Variants in MINDY2 observed in about 807,000 individuals in gnomAD.
MINDY2 encodes the protein MINDY lysine 48 deubiquitinase 2.
MINDY2 carries 52 observed loss-of-function variants against 68.2 expected under a neutral mutation model. The ratio of observed to expected loss-of-function variants is 0.76; its 90% CI spans 0.61 to 0.96. The LOEUF is 0.96. Among genes scored for constraint, MINDY2 ranks in the 40% least tolerant of loss-of-function variants. MINDY2 has a pLI of 0.00. For missense variants in MINDY2, 881 were observed against 773.4 expected (o/e 1.14, Z -1.65); for synonymous variants, 372 against 303.0 (o/e 1.23, Z -2.36).
At chr15:58,831,015 TTGTGTGTGTGTG>T (rs369645565) in intron 5 of MINDY2, among the ~76,000 whole-genome samples, 2 of 133,754 alleles carry the variant, frequency 1.5e-5, no homozygotes, top group Non-Finnish European at 3.1e-5. Flanking sequence ...TGAAGATCAG[TTGTGTGTGTGTG>T]TGTGTGTGTG....
intron 1 of MINDY2, among the ~76,000 whole-genome samples, chr15:58,784,674 C>T (rs1451873990): frequency 7.2e-6 from 1 of 139,052 alleles, no homozygotes; most frequent in Non-Finnish European, 1.5e-5. Context: ...GGCTGGAGTG[C>T]AGTGGCATGA....
At chr15:58,793,348 A>T (rs1193174614) in intron 2 of MINDY2, among the ~76,000 whole-genome samples, 1 of 152,046 alleles carries the variant, frequency 6.6e-6, no homozygotes, top group Non-Finnish European at 1.5e-5. Context: ...GCTACTTGGG[A>T]AACTGAGGAG....
chr15:58,846,134 C>A (rs530447928), intron 6 of MINDY2, among the ~76,000 whole-genome samples: 1 of 150,788 alleles, frequency 6.6e-6, no homozygotes, highest in African/African-American at 2.4e-5. Context: ...TGAGACCTAG[C>A]ATTTGCTAAC....
chr15:58,849,250 C>T (rs1201447883), intron 7 of MINDY2, among the ~76,000 whole-genome samples: 1 of 150,936 alleles, frequency 6.6e-6, no homozygotes, highest in Non-Finnish European at 1.5e-5. Context: ...CACCTATAGT[C>T]GCAGCACTTT....
At chr15:58,800,850 A>G (rs1172427614) in intron 2 of MINDY2, among the ~76,000 whole-genome samples, 1 of 151,912 alleles carries the variant, frequency 6.6e-6, no homozygotes, top group Non-Finnish European at 1.5e-5. Flanking sequence ...AAAAAAAAAA[A>G]AAAGTCTTCT....
chr15:58,793,478 A>T lies in MINDY2; in HGVS notation c.898+5515A>T, dbSNP rs969416686. Among the ~76,000 whole-genome samples the T allele has an allele frequency of 7.2e-5, 11 of 152,244 alleles. 1 individual carries two copies. The highest frequency in any genetic ancestry group is 6.5e-4 in the Admixed American group (10 of 15,282). ...AATAAGTAAATAAATAAATAAATTT[A>T]AAAAATAAAATTAGATTATGATGAT... On this transcript the variant is annotated intron_variant, in intron 2 of 8. Transcript: ENST00000559228.
At chr15:58,824,428 T>TAATGATGA (rs1171235034) in intron 5 of MINDY2, among the ~76,000 whole-genome samples, 4 of 152,166 alleles carry the variant, frequency 2.6e-5, no homozygotes, top group African/African-American at 9.7e-5. Flanking sequence ...ATAAATTTCA[T>TAATGATGA]AATGATGAAA....
rs748117587 is a variant in MINDY2 at position 58,823,352 on chromosome 15, A to G, written c.1225+1533A>G. The stretch of plus-strand genomic sequence containing the variant: ...TTGGTCAAGCTGGGAGGTTTATGCT[A>G]TTCTTCTACTTGCAGTAAACATATA... On this transcript the variant is annotated intron_variant, in intron 5 of 8. Coordinates refer to ENST00000559228, the MANE Select transcript of MINDY2 (RefSeq NM_001040450.3). Among the ~76,000 whole-genome samples the G allele has an allele frequency of 4.5e-4, 68 of 151,818 alleles. 1 individual carries two copies. The highest frequency in any genetic ancestry group is 1.8e-4 in the Non-Finnish European group (12 of 67,974).
chr15:58,787,736 CA>C (rs5812951), intron 1 of MINDY2, among the ~76,000 whole-genome samples, 169 bp from the exon 2 acceptor site: 44,909 of 92,624 alleles, frequency 0.48, 6,569 homozygotes, highest in East Asian at 0.76. Context: ...GAGTCCGTCT[CA>C]AAAAAAAAAA....
chr15:58,846,694 A>T (rs776622905), intron 6 of MINDY2, among the ~76,000 whole-genome samples: 1 of 152,194 alleles, frequency 6.6e-6, no homozygotes, highest in Non-Finnish European at 1.5e-5. Context: ...GTATGCACGT[A>T]CAGAGTTTAT....
intron 2 of MINDY2, among the ~76,000 whole-genome samples, chr15:58,798,028 G>A (rs2095709058): frequency 6.6e-6 from 1 of 152,138 alleles, no homozygotes; most frequent in African/African-American, 2.4e-5. Context: ...AAGCTCATAT[G>A]CTCAAAAATA....
At position 58,829,046 on chromosome 15, in the gene MINDY2, A is replaced by G. The variant is rs12901111; in HGVS notation, c.1226-2728A>G. Among the ~76,000 whole-genome samples, 849 of 152,304 alleles carry G rather than the reference A, an allele frequency of 5.6e-3. 3 individuals are homozygous for G. The highest frequency in any genetic ancestry group is 9.6e-3 in the Non-Finnish European group (652 of 68,018). On this transcript the variant is annotated intron_variant, in intron 5 of 8. Transcript: ENST00000559228. ...GTAATAAACTGGATTATTTGAATCA[A>G]TAACACCTCTTTGAGCGTTATAATG...
At chr15:58,788,018 T>C (rs1392658654) in intron 2 of MINDY2, 55 bp downstream of exon 2, 47 of 1,229,878 alleles carry the variant, frequency 3.8e-5, no homozygotes, top group Non-Finnish European at 4.5e-5. Context: ...TTTTCAAAGC[T>C]AGTTGATTAC....
intron 2 of MINDY2, among the ~76,000 whole-genome samples, chr15:58,798,048 T>TA (rs2140944469): frequency 6.6e-6 from 1 of 152,304 alleles, no homozygotes; most frequent in South Asian, 2.1e-4. Context: ...ACATCCCTCT[T>TA]ACACCTCTAC....
In MINDY2 at chr15:58,830,516, T is replaced by C. The variant is rs634565; in HGVS notation, c.1226-1258T>C. On this transcript the variant is annotated intron_variant, in intron 5 of 8. Transcript: ENST00000559228. ...CAGCTGATCAGTATAATGCAGACAT[T>C]CCAAAATCCAAAAGAATCCACACCC... 9.4e-4 allele frequency among the ~76,000 whole-genome samples: 143 copies of C among 152,260 alleles called. 2 individuals are homozygous for C. The East Asian group carries it at 0.022, about 24-fold the overall frequency.
intron 1 of MINDY2, among the ~76,000 whole-genome samples, chr15:58,784,382 G>A (rs1000232770): frequency 7.9e-5 from 12 of 152,132 alleles, no homozygotes; most frequent in African/African-American, 2.9e-4. Flanking sequence ...AATATTTATA[G>A]GGTAGGACAT....
intron 5 of MINDY2, among the ~76,000 whole-genome samples, chr15:58,830,522 A>G (rs1433391806): frequency 6.6e-6 from 1 of 152,194 alleles, no homozygotes; most frequent in Admixed American, 6.5e-5. Context: ...ACATTCCAAA[A>G]TCCAAAAGAA....
At chr15:58,794,358 GGTGTGTGTGTGTGTGTGTGTGT>G (rs3985718) in intron 2 of MINDY2, among the ~76,000 whole-genome samples, 3 of 139,112 alleles carry the variant, frequency 2.2e-5, no homozygotes, top group South Asian at 2.3e-4. Flanking sequence ...TTTTTTTTGG[GGTGTGTGTGTGTGTGTGTGTGT>G]GTGTGTGTGT....
At chr15:58,803,891 G>A (rs930801606) in intron 3 of MINDY2, among the ~76,000 whole-genome samples, 3 of 145,314 alleles carry the variant, frequency 2.1e-5, no homozygotes, top group Non-Finnish European at 4.5e-5. Flanking sequence ...GGCGGATCAC[G>A]AGGTCAGGAG....
Sources: allele counts gnomAD v4.1 joint callset (sites outside exome capture counted in the v4.1 genomes callset), GRCh38; gene constraint gnomAD v4.1.1; transcripts MANE v1.5; gene names NCBI Gene and HGNC (gene_info 2026-07-23, HGNC 2026-07-21).